CERS3: variants seen among roughly 807,000 people sequenced by gnomAD.
CERS3 encodes the protein ceramide synthase 3.
A neutral mutation model predicts 50.3 loss-of-function variants in CERS3; 33 were observed. The observed-to-expected ratio is 0.66, with a 90% CI of 0.50 to 0.88. The LOEUF is 0.88. Among genes scored for constraint, CERS3 ranks in the 40% least tolerant of loss-of-function variants. CERS3 has a pLI of 0.00. For synonymous variants in CERS3, 176 were observed against 155.2 expected, an observed-to-expected ratio of 1.13 and a Z score of -0.99; for missense variants, 470 against 460.3, an observed-to-expected ratio of 1.02 and a Z score of -0.19.
chr15:100,510,055 A>G (rs1299035645), intron 2 of CERS3, among the ~76,000 whole-genome samples: 1 of 152,142 alleles, frequency 6.6e-6, no homozygotes, highest in Non-Finnish European at 1.5e-5. Flanking sequence ...TGTCTTTAAG[A>G]TAAAACACAA....
chr15:100,507,407 A>G (rs956871560), intron 2 of CERS3, among the ~76,000 whole-genome samples: 4 of 152,154 alleles, frequency 2.6e-5, no homozygotes, highest in African/African-American at 7.2e-5. Context: ...TAAACACACA[A>G]AGGAAGTGAA....
chr15:100,427,260 G>A (rs756408611), intron 11 of CERS3, among the ~76,000 whole-genome samples: 7 of 152,188 alleles, frequency 4.6e-5, no homozygotes, highest in Non-Finnish European at 8.8e-5. Context: ...TGTCTCGGAG[G>A]AGCGAAAGTG....
At chr15:100,427,365 A>G (rs910776598) in intron 11 of CERS3, among the ~76,000 whole-genome samples, 2 of 152,346 alleles carry the variant, frequency 1.3e-5, no homozygotes, top group Admixed American at 6.5e-5. Context: ...TTCTTAGGCA[A>G]TGCCAATCTA....
At chr15:100,417,301 G>A (rs894673382) in intron 11 of CERS3, among the ~76,000 whole-genome samples, 12 of 151,974 alleles carry the variant, frequency 7.9e-5, no homozygotes, top group African/African-American at 2.2e-4. Flanking sequence ...TTCCCTTTCC[G>A]AGTCAAAGAA....
chr15:100,441,333 T>A (rs1277290568), intron 11 of CERS3, among the ~76,000 whole-genome samples: 1 of 147,054 alleles, frequency 6.8e-6, no homozygotes, highest in South Asian at 2.2e-4. Flanking sequence ...TGTGCCCCGA[T>A]CCCTTATTTC....
At chr15:100,478,419 C>G (rs958320040) in intron 7 of CERS3, among the ~76,000 whole-genome samples, 1 of 152,070 alleles carries the variant, frequency 6.6e-6, no homozygotes, top group Non-Finnish European at 1.5e-5. Flanking sequence ...CCTTGGTAGA[C>G]AGCATGTAGT....
At chr15:100,416,811 C>G (rs1392308249) in intron 11 of CERS3, among the ~76,000 whole-genome samples, 1 of 152,090 alleles carries the variant, frequency 6.6e-6, no homozygotes, top group Non-Finnish European at 1.5e-5. Flanking sequence ...AGTGAAGACA[C>G]AGAGCCAGGA....
intron 11 of CERS3, among the ~76,000 whole-genome samples, chr15:100,412,948 G>A (rs957147052): frequency 5.3e-5 from 8 of 152,130 alleles, no homozygotes; most frequent in African/African-American, 1.9e-4. Context: ...GTCCCACCCT[G>A]TAGAGTGATA....
intron 3 of CERS3, among the ~76,000 whole-genome samples, chr15:100,491,686 T>C (rs1284336022): frequency 6.6e-6 from 1 of 152,214 alleles, no homozygotes; most frequent in East Asian, 1.9e-4. Context: ...TCATTTTAAA[T>C]ATAGGTGTTT....
At chr15:100,457,117 C>T (rs2034400329) in intron 10 of CERS3, among the ~76,000 whole-genome samples, 1 of 152,026 alleles carries the variant, frequency 6.6e-6, no homozygotes, top group African/African-American at 2.4e-5. Context: ...GTCCATAACA[C>T]CATCACCTTA....
chr15:100,469,904 G>T (rs12910782), intron 9 of CERS3, among the ~76,000 whole-genome samples: 65,171 of 151,796 alleles, frequency 0.43, 14,699 homozygotes, highest in Middle Eastern at 0.52. Flanking sequence ...CCTGAGCTGG[G>T]CTGGGAATGC....
rs148441263 is a variant in CERS3 at position 100,463,184 on chromosome 15, T to C, written c.845+6194A>G. Among the ~76,000 whole-genome samples, 36 of 152,166 alleles carry C rather than the reference T, an allele frequency of 2.4e-4. 1 individual carries two copies. In the East Asian group the frequency reaches 6.8e-3, roughly 29 times the overall value. On this transcript the variant is annotated intron_variant, in intron 10 of 11. Transcript: ENST00000679737. ...AAATTTCTTTGTAAGCTTAAAATTA[T>C]TTCTAAAATTGGGAGGCTGAGGCAG...
At chr15:100,477,460 G>C (rs1033022199) in intron 7 of CERS3, among the ~76,000 whole-genome samples, 1 of 151,870 alleles carries the variant, frequency 6.6e-6, no homozygotes, top group Admixed American at 6.6e-5. Context: ...TAAAAATCTG[G>C]ATAAAGGACA....
At chr15:100,412,800 G>A (rs7179355) in intron 11 of CERS3, among the ~76,000 whole-genome samples, 17,252 of 152,132 alleles carry the variant, frequency 0.11, 1,645 homozygotes, top group African/African-American at 0.26. Flanking sequence ...TTCCTTAAGA[G>A]ATGATTTCAT....
At chr15:100,542,779 A>G (rs1397675832) in intron 1 of CERS3, among the ~76,000 whole-genome samples, 1 of 151,398 alleles carries the variant, frequency 6.6e-6, no homozygotes, top group Non-Finnish European at 1.5e-5. Context: ...ACCCCTACAA[A>G]TATATATGTA....
Position 100,476,182 on chromosome 15 carries a change from A to G in CERS3, c.517-4T>C. On this transcript the variant is annotated splice_region_variant and splice_polypyrimidine_tract_variant and intron_variant, in intron 7 of 11. Transcript: ENST00000679737. ...AGTACTGGGATGGCAGCAGGGGCTG[A>G]GGAAAAGAAGAGTATTCATTACTTT... 3 of 1,549,960 alleles carry G rather than the reference A, an allele frequency of 1.9e-6. No individual in the cohort carries two copies. The highest frequency in any genetic ancestry group is 2.6e-6 in the Non-Finnish European group (3 of 1,153,218).
chr15:100,507,676 C>T (rs2245690), intron 2 of CERS3, among the ~76,000 whole-genome samples: 144,701 of 152,314 alleles, frequency 0.95, 68,894 homozygotes, highest in Middle Eastern at 0.99. Context: ...GAAGTTGGTA[C>T]GATGCCTTTC....
intron 11 of CERS3, among the ~76,000 whole-genome samples, chr15:100,432,173 ACCT>A (rs1310201208): frequency 6.6e-6 from 1 of 151,754 alleles, no homozygotes; most frequent in African/African-American, 2.4e-5. Context: ...GCTCAAGCAA[ACCT>A]CCTGCCTCAG....
chr15:100,441,045 G>T (rs2033658691), intron 11 of CERS3, among the ~76,000 whole-genome samples: 1 of 152,156 alleles, frequency 6.6e-6, no homozygotes. Flanking sequence ...TGCCTGCCTT[G>T]GTCCTTCACC....
Sources: allele counts gnomAD v4.1 joint callset (sites outside exome capture counted in the v4.1 genomes callset), GRCh38; gene constraint gnomAD v4.1.1; transcripts MANE v1.5; gene names NCBI Gene and HGNC (gene_info 2026-07-23, HGNC 2026-07-21).